Variants in BCR observed in about 807,000 individuals in gnomAD.
BCR encodes BCR activator of RhoGEF and GTPase, also known as breakpoint cluster region protein.
In BCR, 58 loss-of-function variants were observed where a neutral mutation model predicts 138.6. The ratio of observed to expected loss-of-function variants is 0.42; its 90% CI spans 0.34 to 0.52. The LOEUF is 0.52. BCR is among the 20% of genes least tolerant of loss of function. BCR has a pLI of 0.06. For synonymous variants in BCR, 786 were observed against 730.1 expected (o/e 1.08, Z -1.23); for missense variants, 1,599 against 1,727.2 (o/e 0.93, Z 1.32).
At chr22:23,232,768 G>A (rs1051064137) in intron 1 of BCR, among the ~76,000 whole-genome samples, 14 of 152,340 alleles carry the variant, frequency 9.2e-5, no homozygotes, top group African/African-American at 3.1e-4. Context: ...GAATGCTGCC[G>A]TGTCGCATTC....
At chr22:23,223,382 C>A (rs2072850704) in intron 1 of BCR, among the ~76,000 whole-genome samples, 1 of 152,148 alleles carries the variant, frequency 6.6e-6, no homozygotes, top group Non-Finnish European at 1.5e-5. Context: ...CTGTGTGTGG[C>A]CCATTGGGGG....
At chr22:23,272,018 G>C (rs1044207360) in intron 6 of BCR, among the ~76,000 whole-genome samples, 8 of 152,114 alleles carry the variant, frequency 5.3e-5, no homozygotes, top group Admixed American at 4.6e-4. Context: ...TAGAGATGGG[G>C]TTTCCCTCCG....
intron 22 of BCR, 85 bp from the exon 23 acceptor site, chr22:23,315,348 G>C: frequency 8.1e-7 from 1 of 1,228,380 alleles, no homozygotes; most frequent in East Asian, 2.5e-5. Context: ...AGATGGACTT[G>C]GAGGCTTGGG....
chr22:23,202,663 G>A (rs957982751), intron 1 of BCR, among the ~76,000 whole-genome samples: 5 of 151,876 alleles, frequency 3.3e-5, no homozygotes, highest in African/African-American at 1.2e-4. Flanking sequence ...AAGTTCATCT[G>A]TGTTTTACTG....
chr22:23,187,925 T>C (rs942786685), intron 1 of BCR, among the ~76,000 whole-genome samples: 12 of 152,212 alleles, frequency 7.9e-5, no homozygotes, highest in Admixed American at 2.6e-4. Flanking sequence ...GTTTTCACAT[T>C]TTTATTAAGC....
chr22:23,215,765 T>A (rs2072744570), intron 1 of BCR, among the ~76,000 whole-genome samples: 1 of 152,156 alleles, frequency 6.6e-6, no homozygotes, highest in South Asian at 2.1e-4. Flanking sequence ...AGTGGGGCCT[T>A]CTTCGTGGGT....
chr22:23,191,309 G>A (rs376678768), intron 1 of BCR, among the ~76,000 whole-genome samples: 3 of 152,120 alleles, frequency 2.0e-5, no homozygotes, highest in Non-Finnish European at 4.4e-5. Context: ...TATTAAAAAC[G>A]AAGGCAACCA....
intron 16 of BCR, among the ~76,000 whole-genome samples, chr22:23,303,547 T>C (rs1307655880): frequency 1.3e-5 from 2 of 152,258 alleles, no homozygotes; most frequent in African/African-American, 4.8e-5. Context: ...CTTATGTATG[T>C]AGCCTCTTAA....
chr22:23,183,851 T>C (rs1367700093), intron 1 of BCR, among the ~76,000 whole-genome samples: 2 of 152,246 alleles, frequency 1.3e-5, no homozygotes, highest in Non-Finnish European at 2.9e-5. Context: ...GACTTGGCCA[T>C]GTTGGCCACA....
At chr22:23,274,907 C>CAAAAA (rs758602402) in intron 8 of BCR, among the ~76,000 whole-genome samples, 13 of 84,008 alleles carry the variant, frequency 1.5e-4, no homozygotes, top group East Asian at 6.6e-4. Context: ...AACTCCATCT[C>CAAAAA]AAAAAAAAAA....
intron 1 of BCR, among the ~76,000 whole-genome samples, chr22:23,225,146 T>C (rs571574233): frequency 9.2e-5 from 14 of 151,554 alleles, no homozygotes; most frequent in Non-Finnish European, 1.6e-4. Flanking sequence ...AACAGTCCAG[T>C]ATTTGAGACA....
At chr22:23,264,147 C>G (rs2073408163) in intron 4 of BCR, 1 of 1,519,002 alleles carries the variant, frequency 6.6e-7, no homozygotes, top group African/African-American at 1.4e-5. Context: ...CCTGTACTGC[C>G]TGCAGACAGA....
At chr22:23,228,935 C>T (rs745678119) in intron 1 of BCR, among the ~76,000 whole-genome samples, 7 of 152,046 alleles carry the variant, frequency 4.6e-5, no homozygotes, top group Admixed American at 1.3e-4. Flanking sequence ...TTGTATTTTC[C>T]GATACTGTTT....
At chr22:23,245,040 G>A (rs895675130) in intron 1 of BCR, among the ~76,000 whole-genome samples, 51 of 152,196 alleles carry the variant, frequency 3.4e-4, no homozygotes, top group Admixed American at 4.6e-4. Flanking sequence ...CACTCGGCTT[G>A]TGGAGGAAAA....
At chr22:23,238,691 A>G (rs1303662011) in intron 1 of BCR, among the ~76,000 whole-genome samples, 1 of 152,096 alleles carries the variant, frequency 6.6e-6, no homozygotes, top group Non-Finnish European at 1.5e-5. Flanking sequence ...GGCGTCCTGA[A>G]CACCTGTGCA....
intron 1 of BCR, among the ~76,000 whole-genome samples, chr22:23,195,996 T>G (rs895970410): frequency 6.6e-6 from 1 of 152,208 alleles, no homozygotes; most frequent in Non-Finnish European, 1.5e-5. Context: ...TCCACAAAAA[T>G]GGAAAGACAG....
chr22:23,315,471 C>T lies in BCR; in HGVS notation c.3765C>T (p.Ile1255=). 1 of 1,613,180 alleles carries T rather than the reference C, an allele frequency of 6.2e-7. No individual in the cohort carries two copies. Among genetic ancestry groups the T allele is most frequent in the East Asian group, 2.2e-5 (1 of 44,876 alleles). The change falls in exon 23 of 23, where the codon ATC becomes ATT. Residue 1255 remains isoleucine, a synonymous_variant. Transcript: ENST00000305877. ...VLLYFLQLEA[I]PAPDSKRQSI... is the part of the protein sequence containing the mutation. Reference sequence around the variant, plus strand: ...TGTACTTCCTGCAGCTGGAGGCCATCCCTGCCCCGGACAGCAAGAGACAGA... The same window carrying T: ...TGTACTTCCTGCAGCTGGAGGCCATTCCTGCCCCGGACAGCAAGAGACAGA...
chr22:23,273,312 C>T (rs2073531286), intron 7 of BCR, among the ~76,000 whole-genome samples, 179 bp downstream of exon 7: 1 of 152,168 alleles, frequency 6.6e-6, no homozygotes, highest in Admixed American at 6.5e-5. Flanking sequence ...ACAGCTCTCT[C>T]TTGTCCCTCC....
In BCR at chr22:23,289,633, C is replaced by A. The variant is rs769101469; in HGVS notation, c.2707+12C>A. 6.2e-7 allele frequency: 1 copy of A among 1,608,892 alleles called. No individual in the cohort carries two copies. Among genetic ancestry groups the A allele is most frequent in the Admixed American group, 1.7e-5 (1 of 60,010 alleles). On this transcript the variant is annotated intron_variant, in intron 13 of 22. Coordinates refer to ENST00000305877, the MANE Select transcript of BCR (RefSeq NM_004327.4). ...CATCAATAAGGAAGGTGGGCCCCCC[C>A]GTTTCCGTGTACAGGGCACCTGCAG...
Sources: gnomAD v4.1 joint callset for allele counts (sites outside exome capture counted in the v4.1 genomes callset) on GRCh38, gnomAD v4.1.1 for gene constraint, MANE v1.5 for transcripts, NCBI Gene and HGNC (gene_info 2026-07-23, HGNC 2026-07-21) for gene names.